Variants in OPCML observed in about 807,000 individuals in gnomAD.
The protein encoded by OPCML is opioid-binding protein/cell adhesion molecule.
OPCML carries 13 observed loss-of-function variants against 37.8 expected under a neutral mutation model. The observed-to-expected ratio is 0.34, with a 90% CI of 0.22 to 0.55. The LOEUF (loss-of-function observed/expected upper bound fraction) is 0.55, where lower values mean the gene tolerates loss of function less well. Ranked by LOEUF, OPCML falls within the 20% of genes least tolerant of loss-of-function variation. The probability of loss-of-function intolerance (pLI) is 0.91; values close to 1 mark genes in which losing one functional copy is unlikely to be tolerated. For missense variants in OPCML, 341 were observed against 435.6 expected (o/e 0.78, Z 1.93); for synonymous variants, 176 against 168.8 (o/e 1.04, Z -0.33).
chr11:132,935,202 C>T (rs1945331053), intron 2 of OPCML, among the ~76,000 whole-genome samples: 1 of 150,598 alleles, frequency 6.6e-6, no homozygotes, highest in African/African-American at 2.4e-5. Context: ...AACAATACAA[C>T]AAACTCCAAA....
At chr11:132,942,286 T>C (rs762691932) in intron 2 of OPCML, among the ~76,000 whole-genome samples, 3 of 152,204 alleles carry the variant, frequency 2.0e-5, no homozygotes, top group Non-Finnish European at 2.9e-5. Flanking sequence ...AGCTCTCCTA[T>C]TGTGCTTTTC....
At chr11:132,937,594 G>GA (rs1945428474) in intron 2 of OPCML, among the ~76,000 whole-genome samples, 2 of 68,662 alleles carry the variant, frequency 2.9e-5, no homozygotes, top group South Asian at 1.2e-3. Flanking sequence ...GGCGTGTGTG[G>GA]GGTGTGTGTG....
chr11:132,530,198 AAC>A (rs1243713770), intron 3 of OPCML, among the ~76,000 whole-genome samples: 1 of 152,170 alleles, frequency 6.6e-6, no homozygotes, highest in Non-Finnish European at 1.5e-5. Flanking sequence ...TTTCACAAAC[AAC>A]AGTTTTCCTC....
chr11:132,434,753 C>T (rs1200376169), intron 7 of OPCML, among the ~76,000 whole-genome samples: 1 of 151,970 alleles, frequency 6.6e-6, no homozygotes, highest in African/African-American at 2.4e-5. Context: ...GCCCTGTTTG[C>T]CTTGGGCTAA....
rs968032559 is a variant in OPCML, at chr11:132,415,779, T to A, written c.*4414A>T. Reference sequence around the variant, plus strand: ...TAAATTGAACTGGCTCAGCCCTATCTTTTTTGCCACATCTTTAATTACAAA... The same window carrying A: ...TAAATTGAACTGGCTCAGCCCTATCATTTTTGCCACATCTTTAATTACAAA... On this transcript the variant is annotated 3_prime_UTR_variant, in exon 8 of 8. Coordinates refer to ENST00000524381, the MANE Select transcript of OPCML (RefSeq NM_001012393.5). 5.9e-5 allele frequency: 9 copies of A among 152,668 alleles called. No individual in the cohort carries two copies. Among genetic ancestry groups the A allele is most frequent in the Non-Finnish European group, 1.2e-4 (8 of 68,034 alleles). The allele number at this position is 152,668 out of a possible 1,614,324, so 9.5% of individuals were successfully genotyped here.
At chr11:132,789,861 G>T (rs1937779439) in intron 2 of OPCML, among the ~76,000 whole-genome samples, 1 of 152,134 alleles carries the variant, frequency 6.6e-6, no homozygotes, top group Non-Finnish European at 1.5e-5. Context: ...ATCCAGAAAG[G>T]GGGAGGAATT....
Position 132,564,244 on chromosome 11 carries a change from T to A in OPCML, c.380-35058A>T, listed in dbSNP as rs368284775. Among the ~76,000 whole-genome samples the A allele has an allele frequency of 4.5e-4, 68 of 152,330 alleles. 4 individuals carry two copies. In the South Asian group the frequency reaches 0.014, roughly 31 times the overall value. On this transcript the variant is annotated intron_variant, in intron 3 of 7. Coordinates refer to ENST00000524381, the MANE Select transcript of OPCML (RefSeq NM_001012393.5). Reference sequence around the variant, plus strand: ...AGCCAAGATACTCTCCCTCTATTACTCAATTATCTTATGAAATGAAGTGCG... The same window carrying A: ...AGCCAAGATACTCTCCCTCTATTACACAATTATCTTATGAAATGAAGTGCG...
At chr11:132,732,406 A>T (rs1945945) in intron 2 of OPCML, among the ~76,000 whole-genome samples, 95 of 152,120 alleles carry the variant, frequency 6.2e-4, no homozygotes, top group African/African-American at 2.2e-3. Context: ...GGTTATAGAC[A>T]AAGTAGTAAA....
chr11:132,849,525 T>C (rs1941701807), intron 2 of OPCML, among the ~76,000 whole-genome samples: 1 of 152,130 alleles, frequency 6.6e-6, no homozygotes, highest in African/African-American at 2.4e-5. Flanking sequence ...TACTGCTAAG[T>C]GCTATGGAGA....
intron 1 of OPCML, among the ~76,000 whole-genome samples, chr11:133,259,048 C>T (rs559281638): frequency 1.3e-5 from 2 of 152,166 alleles, no homozygotes; most frequent in Non-Finnish European, 1.5e-5. Context: ...CTGAGACAGC[C>T]TCACCTCAGA....
At chr11:132,570,732 CA>C (rs1274790044) in intron 3 of OPCML, among the ~76,000 whole-genome samples, 2 of 118,244 alleles carry the variant, frequency 1.7e-5, no homozygotes, top group Non-Finnish European at 3.4e-5. Flanking sequence ...TGAAAGAACT[CA>C]GGGGAATAGG....
chr11:132,479,024 G>T (rs1312619442), intron 4 of OPCML, among the ~76,000 whole-genome samples: 1 of 152,124 alleles, frequency 6.6e-6, no homozygotes, highest in Non-Finnish European at 1.5e-5. Context: ...TCTTAATAGG[G>T]AGAGGAGCCA....
chr11:133,255,487 C>T (rs959416422), intron 1 of OPCML, among the ~76,000 whole-genome samples: 1 of 152,028 alleles, frequency 6.6e-6, no homozygotes, highest in Non-Finnish European at 1.5e-5. Flanking sequence ...ACTATACCAT[C>T]AAAAACAAAA....
chr11:133,011,709 G>A lies in OPCML; in HGVS notation c.62-68699C>T, dbSNP rs147342562. Among the ~76,000 whole-genome samples the A allele has an allele frequency of 3.0e-3, 452 of 152,090 alleles. 1 individual carries two copies. The highest frequency in any genetic ancestry group is 0.01 in the African/African-American group (430 of 41,502). On this transcript the variant is annotated intron_variant, in intron 1 of 7. Transcript: ENST00000524381. ...AACATCCAACATTATGGGGTAAAGC[G>A]GGAAGACAGGCAGTCAGGAGCCATT... is the stretch of plus-strand genomic sequence containing the variant.
At chr11:132,831,611 T>C (rs11223233) in intron 2 of OPCML, among the ~76,000 whole-genome samples, 31,224 of 151,846 alleles carry the variant, frequency 0.21, 4,113 homozygotes, top group Non-Finnish European at 0.31. Flanking sequence ...TCCAAACCCA[T>C]CCATCATAAC....
intron 2 of OPCML, among the ~76,000 whole-genome samples, chr11:132,811,223 AG>A (rs1398136985): frequency 6.6e-6 from 1 of 152,194 alleles, no homozygotes; most frequent in Non-Finnish European, 1.5e-5. Flanking sequence ...GTTGGGAAAC[AG>A]GGAATGTGGT....
chr11:132,576,573 T>G (rs962978712), intron 3 of OPCML, among the ~76,000 whole-genome samples: 1 of 152,184 alleles, frequency 6.6e-6, no homozygotes, highest in African/African-American at 2.4e-5. Context: ...GACAGCTCTT[T>G]TGAATTCTCT....
At chr11:132,833,026 C>T (rs970610130) in intron 2 of OPCML, among the ~76,000 whole-genome samples, 2 of 152,116 alleles carry the variant, frequency 1.3e-5, no homozygotes, top group African/African-American at 2.4e-5. Context: ...GGTGAGTGGA[C>T]ATTACCAGTT....
At chr11:132,669,545 T>C (rs1942367825) in intron 2 of OPCML, among the ~76,000 whole-genome samples, 1 of 152,168 alleles carries the variant, frequency 6.6e-6, no homozygotes, top group South Asian at 2.1e-4. Context: ...TAGCAAATGG[T>C]ATCTCCACAG....
Sources: gnomAD v4.1 joint callset for allele counts (sites outside exome capture counted in the v4.1 genomes callset) on GRCh38, gnomAD v4.1.1 for gene constraint, MANE v1.5 for transcripts, NCBI Gene and HGNC (gene_info 2026-07-23, HGNC 2026-07-21) for gene names.